The following PCDHGA6 variants were observed in gnomAD, a reference collection of about 807,000 sequenced individuals.
The protein encoded by PCDHGA6 is protocadherin gamma-A6.
In PCDHGA6, 41 loss-of-function variants were observed where a neutral mutation model predicts 60.6. The observed-to-expected ratio is 0.68, with a 90% confidence interval of 0.53 to 0.88. PCDHGA6 has a LOEUF of 0.88. PCDHGA6 is among the 40% of genes least tolerant of loss of function. PCDHGA6 has a pLI of 0.00. For missense variants in PCDHGA6, 1,312 were observed against 1,203.0 expected (o/e 1.09, Z -1.34); for synonymous variants, 594 against 524.4 (o/e 1.13, Z -1.81).
Position 141,373,898 on chromosome 5 carries a change from A to AT in PCDHGA6, c.-185dup, listed in dbSNP as rs1769937255. ...GAAAATCAACGGAAACTCAAGTTACATCCTCCAACAACAAAGCAAATTAGA... is the reference window on the plus strand; with the variant it reads ...GAAAATCAACGGAAACTCAAGTTACATTCCTCCAACAACAAAGCAAATTAGA... On this transcript the variant is annotated 5_prime_UTR_variant, in exon 1 of 4. Transcript: ENST00000517434. The AT allele has an allele frequency of 1.8e-6, 1 of 541,162 alleles. No individual in the cohort carries two copies. The highest frequency in any genetic ancestry group is 3.1e-6 in the Non-Finnish European group (1 of 325,458). 33.5% of individuals were successfully genotyped at this position (541,162 alleles called of 1,614,324 possible).
At chr5:141,460,883 C>T (rs371847673) in intron 1 of PCDHGA6, among the ~76,000 whole-genome samples, 2 of 149,996 alleles carry the variant, frequency 1.3e-5, no homozygotes, top group East Asian at 2.0e-4. Context: ...TATTTCATGC[C>T]TTTTCGTGGC....
chr5:141,390,396 T>G, intron 1 of PCDHGA6: 2 of 1,374,352 alleles, frequency 1.5e-6, no homozygotes, highest in Admixed American at 2.2e-5. Context: ...ATGGATCATT[T>G]TAGGAAAGTT....
intron 3 of PCDHGA6, among the ~76,000 whole-genome samples, chr5:141,506,877 G>A (rs998146154): frequency 1.3e-5 from 2 of 152,142 alleles, no homozygotes; most frequent in Non-Finnish European, 2.9e-5. Flanking sequence ...AGAGAACCAG[G>A]TGAAATCACA....
intron 1 of PCDHGA6, chr5:141,415,758 T>G (rs200061978): frequency 0.08 from 111,079 of 1,380,048 alleles, 1,979 homozygotes; most frequent in African/African-American, 0.17. Context: ...TTTTTTTTTT[T>G]TTTTTTTTTT....
intron 3 of PCDHGA6, among the ~76,000 whole-genome samples, 188 bp from the exon 4 acceptor site, chr5:141,510,759 G>A (rs1026623444): frequency 6.6e-5 from 10 of 152,172 alleles, no homozygotes; most frequent in African/African-American, 2.4e-4. Context: ...TCTCACTCCA[G>A]AGCCTCTTAA....
In PCDHGA6 at chr5:141,511,774, T is replaced by C. The variant is rs1173144009; in HGVS notation, c.*601T>C. 6.2e-6 allele frequency: 1 copy of C among 160,350 alleles called. No homozygotes were observed. The highest frequency in any genetic ancestry group is 1.4e-5 in the Non-Finnish European group (1 of 72,132). The allele number at this position is 160,350 out of a possible 1,614,324, so 9.9% of individuals were successfully genotyped here. A position where few individuals can be genotyped will look rare whatever the true frequency, so the allele number is the denominator to read the frequency against. On this transcript the variant is annotated 3_prime_UTR_variant, in exon 4 of 4. Coordinates refer to ENST00000517434, the MANE Select transcript of PCDHGA6 (RefSeq NM_018919.3). ...ATGATCACCATCCCCATGGTACTGA[T>C]GCTTGCTGGATTTAGGGAGGGCATT...
At chr5:141,393,203 C>A in intron 1 of PCDHGA6, 1 of 1,613,514 alleles carries the variant, frequency 6.2e-7, no homozygotes, top group South Asian at 1.1e-5. Context: ...ACGATAATAA[C>A]CCAAAATTCC....
intron 1 of PCDHGA6, chr5:141,383,556 C>A: frequency 6.2e-7 from 1 of 1,612,766 alleles, no homozygotes; most frequent in Non-Finnish European, 8.5e-7. Context: ...ATGGCGGCGA[C>A]CCGCCCCGAT....
rs752071139 is a variant in PCDHGA6 at position 141,422,722 on chromosome 5, G to A, written c.2424+46215G>A. ...CTCTCTGACGGATGACACTGTCCAG[G>A]GGGTGCCTCTGTCCTCCTATGTCTC... On this transcript the variant is annotated intron_variant, in intron 1 of 3. Coordinates refer to ENST00000517434, the MANE Select transcript of PCDHGA6 (RefSeq NM_018919.3). The A allele has an allele frequency of 2.4e-5, 39 of 1,605,774 alleles. No homozygotes were observed. In the South Asian group the frequency reaches 4.0e-4, roughly 17 times the overall value.
intron 3 of PCDHGA6, among the ~76,000 whole-genome samples, chr5:141,510,415 C>G (rs2099881071): frequency 6.6e-6 from 1 of 152,082 alleles, no homozygotes; most frequent in Admixed American, 6.5e-5. Flanking sequence ...GCATGTAAAG[C>G]CATGGTTTCA....
At position 141,493,444 on chromosome 5, in the gene PCDHGA6, G is replaced by T. The variant is rs2099748313; in HGVS notation, c.2425-1363G>T. On this transcript the variant is annotated intron_variant, in intron 1 of 3. Transcript: ENST00000517434. This position sits in a 1 kb window ranked among gnomAD's most constrained non-coding sequence, Gnocchi z 4.3. ...GCTTCTGCTGGGATGGGGCAAGGGT[G>T]GGGTTCCTTCCCTTTTAGGACCTTA... Among the ~76,000 whole-genome samples, 1 of 152,174 alleles carries T rather than the reference G, an allele frequency of 6.6e-6. No homozygotes were observed. Among genetic ancestry groups the T allele is most frequent in the South Asian group, 2.1e-4 (1 of 4,826 alleles).
intron 1 of PCDHGA6, 176 bp downstream of exon 1, chr5:141,376,683 T>G (rs993121211): frequency 8.6e-5 from 69 of 804,030 alleles, no homozygotes; most frequent in African/African-American, 6.0e-4. Flanking sequence ...ATCGTTTTTT[T>G]TTTTTTTTTT....
In PCDHGA6 at chr5:141,486,702, T is replaced by C; in HGVS notation, c.2425-8105T>C. On this transcript the variant is annotated intron_variant, in intron 1 of 3. Coordinates refer to ENST00000517434, the MANE Select transcript of PCDHGA6 (RefSeq NM_018919.3). The surrounding 1 kb of genome is among the most constrained non-coding windows in gnomAD (Gnocchi z 5.0). ...GTATCAGCTTCCTCTTTCATCTCTC[T>C]GAACCCCCAGACAGGAGCTGTTCAT... is the stretch of plus-strand genomic sequence containing the variant. 3 of 1,614,218 alleles carry C rather than the reference T, an allele frequency of 1.9e-6. No homozygotes were observed. Among genetic ancestry groups the C allele is most frequent in the Non-Finnish European group, 2.5e-6 (3 of 1,180,040 alleles).
intron 1 of PCDHGA6, chr5:141,383,640 C>A (rs1305472453): frequency 3.1e-6 from 5 of 1,613,848 alleles, no homozygotes; most frequent in Non-Finnish European, 4.2e-6. Flanking sequence ...TGCCTCAGTA[C>A]CAAGTAACTG....
chr5:141,460,924 A>ATATATG (rs1561985817), intron 1 of PCDHGA6, among the ~76,000 whole-genome samples: 1 of 150,496 alleles, frequency 6.6e-6, no homozygotes, highest in African/African-American at 2.4e-5. Flanking sequence ...ATATATATAT[A>ATATATG]TGTGTGTGTG....
intron 1 of PCDHGA6, among the ~76,000 whole-genome samples, chr5:141,437,052 T>A (rs986734485): frequency 6.6e-5 from 10 of 152,258 alleles, no homozygotes; most frequent in Non-Finnish European, 1.3e-4. Flanking sequence ...AGAAGGCTGG[T>A]GATCATTATT....
In PCDHGA6 at chr5:141,486,217, T is replaced by C; in HGVS notation, c.2425-8590T>C. ...TGCTGGACGTAAATGACAATGCCCC[T>C]TACATCACAGTGACCTCAGAGCTTG... On this transcript the variant is annotated intron_variant, in intron 1 of 3. Coordinates refer to ENST00000517434, the MANE Select transcript of PCDHGA6 (RefSeq NM_018919.3). The surrounding 1 kb of genome is among the most constrained non-coding windows in gnomAD (Gnocchi z 5.0). The C allele has an allele frequency of 6.2e-7, 1 of 1,614,120 alleles. No homozygotes were observed.
chr5:141,412,975 C>G (rs1221821871), intron 1 of PCDHGA6: 3 of 532,642 alleles, frequency 5.6e-6, no homozygotes, highest in Non-Finnish European at 9.7e-6. Flanking sequence ...AGAGAAAACG[C>G]AGCCAGAGCT....
chr5:141,486,505 T>C lies in PCDHGA6; in HGVS notation c.2425-8302T>C. The C allele has an allele frequency of 6.2e-7, 1 of 1,614,156 alleles. No individual in the cohort carries two copies. ...GTACCCACAGAACTATTTTCCTCAA[T>C]ATTTCAGATGTGAATGATAATCCAC... is the stretch of plus-strand genomic sequence containing the variant. On this transcript the variant is annotated intron_variant, in intron 1 of 3. Coordinates refer to ENST00000517434, the MANE Select transcript of PCDHGA6 (RefSeq NM_018919.3). The surrounding 1 kb of genome is among the most constrained non-coding windows in gnomAD (Gnocchi z 5.0).
Sources: gnomAD v4.1 joint callset for allele counts (sites outside exome capture counted in the v4.1 genomes callset) on GRCh38, gnomAD v4.1.1 for gene constraint, Gnocchi (gnomAD v3.1) non-coding constraint, MANE v1.5 for transcripts, NCBI Gene and HGNC (gene_info 2026-07-23, HGNC 2026-07-21) for gene names.